The following CD44 variants were observed in gnomAD, a reference collection of about 807,000 sequenced individuals.
CD44 encodes the protein CD44 molecule (IN blood group), also known as CD44 antigen.
In CD44, 49 loss-of-function variants were observed where a neutral mutation model predicts 88.8. That is an observed-to-expected ratio of 0.55 (90% CI 0.44 to 0.70). CD44 has a LOEUF of 0.70. CD44 is among the 30% of genes least tolerant of loss of function. The pLI is 0.00. For synonymous variants in CD44, 325 were observed against 312.3 expected, an observed-to-expected ratio of 1.04 and a Z score of -0.43; for missense variants, 883 against 913.8, an observed-to-expected ratio of 0.97 and a Z score of 0.43.
At chr11:35,148,621 G>A (rs1214473203) in intron 1 of CD44, among the ~76,000 whole-genome samples, 1 of 152,196 alleles carries the variant, frequency 6.6e-6, no homozygotes, top group Admixed American at 6.5e-5. Context: ...TTTAAAGGAT[G>A]CCATGTAATG....
chr11:35,140,879 G>C (rs1857774178), intron 1 of CD44, among the ~76,000 whole-genome samples: 2 of 151,952 alleles, frequency 1.3e-5, no homozygotes, highest in Admixed American at 6.6e-5. Context: ...AAATTAGCAG[G>C]GTGTGGTGGT....
At chr11:35,219,243 T>C in intron 15 of CD44, 73 bp from the exon 16 acceptor site, 1 of 1,108,880 alleles carries the variant, frequency 9.0e-7, no homozygotes, top group Middle Eastern at 2.0e-4. Context: ...GAGCTGCCCT[T>C]TATGCAGCTC....
chr11:35,163,668 GTCT>G, intron 1 of CD44, among the ~76,000 whole-genome samples: 1 of 152,122 alleles, frequency 6.6e-6, no homozygotes, highest in Non-Finnish European at 1.5e-5. Context: ...AATTCTCCCT[GTCT>G]TCTTTGGTCT....
intron 1 of CD44, among the ~76,000 whole-genome samples, chr11:35,154,167 G>A (rs774993314): frequency 2.6e-5 from 4 of 152,218 alleles, no homozygotes; most frequent in Non-Finnish European, 5.9e-5. Context: ...TGAGTGTCAA[G>A]CATTGGTTTA....
At position 35,219,302 on chromosome 11, in the gene CD44, G is replaced by GT. The variant is rs1949099532; in HGVS notation, c.1874-9dup. On this transcript the variant is annotated splice_polypyrimidine_tract_variant and intron_variant, in intron 15 of 17. Coordinates refer to ENST00000428726, the MANE Select transcript of CD44 (RefSeq NM_000610.4). ...TTTCAAACTTTGGTTGAGAGATGTTGTTTTTCCCCTTAGGACACTCACATG... is the reference window on the plus strand; with the variant it reads ...TTTCAAACTTTGGTTGAGAGATGTTGTTTTTTCCCCTTAGGACACTCACATG... 1 of 1,610,502 alleles carries GT rather than the reference G, an allele frequency of 6.2e-7. No individual in the cohort carries two copies. Among genetic ancestry groups the GT allele is most frequent in the African/African-American group, 1.3e-5 (1 of 74,836 alleles).
At chr11:35,186,303 C>G (rs1945672909) in intron 3 of CD44, among the ~76,000 whole-genome samples, 1 of 152,106 alleles carries the variant, frequency 6.6e-6, no homozygotes, top group South Asian at 2.1e-4. Flanking sequence ...GTTATTTTAA[C>G]CTTCAGATTG....
chr11:35,195,290 C>A (rs903277927), intron 5 of CD44, among the ~76,000 whole-genome samples: 1 of 152,042 alleles, frequency 6.6e-6, no homozygotes, highest in Non-Finnish European at 1.5e-5. Flanking sequence ...AAAAATTATT[C>A]TTTACATTTG....
In CD44 at chr11:35,214,845, A is replaced by C. The variant is rs1224234466; in HGVS notation, c.1811-7A>C. 2.0e-6 allele frequency: 3 copies of C among 1,525,228 alleles called. No individual in the cohort carries two copies. In the South Asian group the frequency reaches 3.9e-5, roughly 20 times the overall value. The allele number at this position is 1,525,228 out of a possible 1,614,324, so 94.5% of individuals were successfully genotyped here. ...GCAGTACTGACCTTCCTGATTGCTC[A>C]TTACAGGAGACCAAGACACATTCCA... On this transcript the variant is annotated splice_polypyrimidine_tract_variant and splice_region_variant and intron_variant, in intron 14 of 17. Transcript: ENST00000428726.
At position 35,176,625 on chromosome 11, in the gene CD44, G is replaced by A; in HGVS notation, c.118G>A (p.Gly40Ser). 6.2e-7 allele frequency: 1 copy of A among 1,614,130 alleles called. No homozygotes were observed. Among genetic ancestry groups the A allele is most frequent in the South Asian group, 1.1e-5 (1 of 91,086 alleles). The stretch of plus-strand genomic sequence containing the variant: ...AGGTGTATTCCACGTGGAGAAAAAT[G>A]GTCGCTACAGCATCTCTCGGACGGA... ...FAGVFHVEKN[G>S]RYSISRTEAA... Residue 40 changes from glycine to serine, a missense_variant, in exon 2 of 18, where the codon GGT becomes AGT. Gly to Ser is a moderately conservative substitution (Grantham distance 56, BLOSUM62 0). This residue lies in a region of CD44 where 252 missense variants were observed against 322.9 expected (regional missense o/e 0.78). Transcript: ENST00000428726.
intron 6 of CD44, 105 bp from the exon 7 acceptor site, chr11:35,198,016 T>C: frequency 7.9e-7 from 1 of 1,268,870 alleles, no homozygotes; most frequent in Non-Finnish European, 1.1e-6. Context: ...CACTTTCTTT[T>C]AAAAATCCTG....
At chr11:35,210,193 G>C (rs772714221) in intron 13 of CD44, 139 bp downstream of exon 13, 6 of 526,956 alleles carry the variant, frequency 1.1e-5, no homozygotes, top group East Asian at 3.3e-5. Flanking sequence ...TGCGTCTGGT[G>C]GTGGTTCTCT....
rs1949382781 is a variant in CD44, at chr11:35,222,480, A to T, written c.2024+748A>T. 8 of 1,241,552 alleles carry T rather than the reference A, an allele frequency of 6.4e-6. No individual in the cohort carries two copies. In the South Asian group the frequency reaches 1.1e-4, roughly 18 times the overall value. The allele number at this position is 1,241,552 out of a possible 1,614,324, so 76.9% of individuals were successfully genotyped here. ...GAACTTTCCTTTGGAAAACAACTAA[A>T]TGAAGACAGTCACCTCGCTAGAACT... On this transcript the variant is annotated intron_variant, in intron 17 of 17. Coordinates refer to ENST00000428726, the MANE Select transcript of CD44 (RefSeq NM_000610.4).
chr11:35,175,703 CTT>C (rs1183831157), intron 1 of CD44, among the ~76,000 whole-genome samples: 3 of 152,150 alleles, frequency 2.0e-5, no homozygotes, highest in African/African-American at 7.2e-5. Flanking sequence ...TTTTTAAAAA[CTT>C]TGTTGCAGAG....
At chr11:35,147,436 T>A (rs949282524) in intron 1 of CD44, among the ~76,000 whole-genome samples, 1 of 152,144 alleles carries the variant, frequency 6.6e-6, no homozygotes, top group Non-Finnish European at 1.5e-5. Flanking sequence ...TGGCCCAGCA[T>A]GTGACCATCC....
At chr11:35,197,141 A>G (rs1241640138) in intron 6 of CD44, 1 of 269,024 alleles carries the variant, frequency 3.7e-6, no homozygotes, top group Non-Finnish European at 7.1e-6. Context: ...TTTTTTAACG[A>G]TATGGCAAAA....
At chr11:35,193,086 G>T (rs113159671) in intron 5 of CD44, among the ~76,000 whole-genome samples, 12 of 152,032 alleles carry the variant, frequency 7.9e-5, no homozygotes, top group Admixed American at 2.6e-4. Context: ...TTGTCTGGAG[G>T]CTTCATGGGT....
At chr11:35,151,697 G>A (rs1860355066) in intron 1 of CD44, among the ~76,000 whole-genome samples, 1 of 152,190 alleles carries the variant, frequency 6.6e-6, no homozygotes, top group Non-Finnish European at 1.5e-5. Context: ...CTTTGTTAAT[G>A]TTTCTGAGAG....
chr11:35,186,863 A>G lies in CD44; in HGVS notation c.399A>G (p.Thr133=), dbSNP rs1290615518. 6.2e-7 allele frequency: 1 copy of G among 1,607,904 alleles called. No homozygotes were observed. The highest frequency in any genetic ancestry group is 1.1e-5 in the South Asian group (1 of 90,988). The change falls in exon 4 of 18, where the codon ACA becomes ACG. Residue 133 remains threonine (T), a synonymous_variant. Coordinates refer to ENST00000428726, the MANE Select transcript of CD44 (RefSeq NM_000610.4). ...APPEEDCTSV[T]DLPNAFDGPI... ...CTGAAGAAGATTGTACATCAGTCACAGACCTGCCCAATGCCTTTGATGGAC... is the reference window on the plus strand; with the variant it reads ...CTGAAGAAGATTGTACATCAGTCACGGACCTGCCCAATGCCTTTGATGGAC...
At chr11:35,187,729 G>A (rs369853779) in intron 4 of CD44, among the ~76,000 whole-genome samples, 1 of 152,096 alleles carries the variant, frequency 6.6e-6, no homozygotes, top group Admixed American at 6.5e-5. Context: ...GCCCTAATTA[G>A]CAATTTTCTG....
Sources: allele counts gnomAD v4.1 joint callset (sites outside exome capture counted in the v4.1 genomes callset), GRCh38; gene constraint gnomAD v4.1.1; regional missense constraint gnomAD v4.1.1; transcripts MANE v1.5; gene names NCBI Gene and HGNC (gene_info 2026-07-23, HGNC 2026-07-21).